Variants in ACER1 observed in about 807,000 individuals in gnomAD.
The protein encoded by ACER1 is CTB-180A7.3.
In ACER1, 28 loss-of-function variants were observed where a neutral mutation model predicts 24.9. The ratio of observed to expected loss-of-function variants is 1.13; its 90% CI spans 0.83 to 1.54. The LOEUF is 1.54. Ranked by LOEUF, ACER1 falls within the 40% of genes most tolerant of loss-of-function variation. The probability of loss-of-function intolerance (pLI) is 0.00; values close to 1 mark genes in which losing one functional copy is unlikely to be tolerated. For missense variants in ACER1, 352 were observed against 349.3 expected (o/e 1.01, Z -0.06); for synonymous variants, 132 against 131.4 (o/e 1.00, Z -0.03).
At chr19:6,323,149 A>G (rs532317814) in intron 1 of ACER1, among the ~76,000 whole-genome samples, 24 of 151,486 alleles carry the variant, frequency 1.6e-4, no homozygotes, top group Non-Finnish European at 2.5e-4. Flanking sequence ...GGCAGGGCGC[A>G]GTGGTTCACA....
At chr19:6,347,095 C>CAAAAAA in the ACER1 span, among the ~76,000 whole-genome samples, 1 of 53,066 alleles carries the variant, frequency 1.9e-5, no homozygotes, top group African/African-American at 3.5e-4. Context: ...GTCCCTGTCT[C>CAAAAAA]TACAAAAAAA....
the ACER1 span, among the ~76,000 whole-genome samples, chr19:6,357,901 T>C: frequency 6.6e-6 from 1 of 152,004 alleles, no homozygotes; most frequent in African/African-American, 2.4e-5. Context: ...TGAAAAGCAG[T>C]TGCAATGGGG....
the ACER1 span, among the ~76,000 whole-genome samples, chr19:6,338,885 T>C: frequency 6.6e-6 from 1 of 151,380 alleles, no homozygotes; most frequent in Non-Finnish European, 1.5e-5. Flanking sequence ...TTAAAATCTT[T>C]TTTTTTTTTT....
At chr19:6,341,607 CTTTTGTTTTG>C in the ACER1 span, among the ~76,000 whole-genome samples, 56 of 145,330 alleles carry the variant, frequency 3.9e-4, no homozygotes, top group Admixed American at 2.7e-4. Context: ...TTTTTGTTTT[CTTTTGTTTTG>C]TTTTGTTTTG....
At chr19:6,308,081 TTAAATAAA>T (rs59870931) in intron 4 of ACER1, among the ~76,000 whole-genome samples, 1 of 150,802 alleles carries the variant, frequency 6.6e-6, no homozygotes, top group Non-Finnish European at 1.5e-5. Flanking sequence ...AGACTCCATC[TTAAATAAA>T]TAAATAAATA....
chr19:6,317,936 G>A (rs1398598107), intron 1 of ACER1, among the ~76,000 whole-genome samples: 1 of 151,860 alleles, frequency 6.6e-6, no homozygotes, highest in African/African-American at 2.4e-5. Context: ...TGTATTTTTA[G>A]TAGAGGCAGG....
At chr19:6,345,615 A>G in the ACER1 span, among the ~76,000 whole-genome samples, 2 of 144,734 alleles carry the variant, frequency 1.4e-5, no homozygotes, top group Non-Finnish European at 3.0e-5. Context: ...CCCAGGCTGG[A>G]GTGCAGTGGT....
intron 1 of ACER1, among the ~76,000 whole-genome samples, chr19:6,316,387 G>A (rs1383179139): frequency 6.6e-6 from 1 of 152,164 alleles, no homozygotes; most frequent in African/African-American, 2.4e-5. Flanking sequence ...TGCAGGAGCT[G>A]TGATTGTGCC....
Position 6,311,782 on chromosome 19 carries a change from C to A in ACER1, c.350+367G>T, listed in dbSNP as rs113892066. 9.8e-3 allele frequency among the ~76,000 whole-genome samples: 1,472 copies of A among 150,812 alleles called. 31 individuals carry two copies. The highest frequency in any genetic ancestry group is 0.043 in the Admixed American group (656 of 15,180). On this transcript the variant is annotated intron_variant, in intron 3 of 5. Coordinates refer to ENST00000301452, the MANE Select transcript of ACER1 (RefSeq NM_133492.3). ...AAGAGAGGGACCCAGGGGGTCTAAG[C>A]AGATCAGATGAAAGATGCCAGGAAC... is the stretch of plus-strand genomic sequence containing the variant.
chr19:6,350,319 T>A, the ACER1 span, among the ~76,000 whole-genome samples: 1 of 151,758 alleles, frequency 6.6e-6, no homozygotes, highest in South Asian at 2.1e-4. Flanking sequence ...TATAAAAAAT[T>A]AGCTGGCACC....
intron 1 of ACER1, among the ~76,000 whole-genome samples, chr19:6,313,650 G>T (rs1286478352): frequency 1.3e-5 from 2 of 152,192 alleles, no homozygotes; most frequent in African/African-American, 2.4e-5. Context: ...CTGAAATGTG[G>T]CCATGGATGT....
chr19:6,351,991 G>C, the ACER1 span, among the ~76,000 whole-genome samples: 1 of 149,492 alleles, frequency 6.7e-6, no homozygotes, highest in Non-Finnish European at 1.5e-5. Context: ...GGGTGGCGGA[G>C]CTTGCAGTGA....
In ACER1 at chr19:6,310,237, G is replaced by A. The variant is rs113243461; in HGVS notation, c.351-403C>T. Among the ~76,000 whole-genome samples, 1,474 of 150,650 alleles carry A rather than the reference G, an allele frequency of 9.8e-3. 24 individuals are homozygous for A. The highest frequency in any genetic ancestry group is 0.033 in the African/African-American group (1,373 of 41,072). On this transcript the variant is annotated intron_variant, in intron 3 of 5. Coordinates refer to ENST00000301452, the MANE Select transcript of ACER1 (RefSeq NM_133492.3). The stretch of plus-strand genomic sequence containing the variant: ...CAAGTAGCTGGGACTACAGGCGCCC[G>A]CCACCACGCCCGGCTCATTTTTTAT...
the ACER1 span, among the ~76,000 whole-genome samples, chr19:6,341,331 C>A: frequency 6.7e-6 from 1 of 150,010 alleles, no homozygotes; most frequent in Non-Finnish European, 1.5e-5. Context: ...CAACAAAAAA[C>A]CAGTCTAGGC....
Position 6,309,702 on chromosome 19 carries a change from G to A in ACER1, c.483C>T (p.Tyr161=), listed in dbSNP as rs1202347120. 4 of 1,613,772 alleles carry A rather than the reference G, an allele frequency of 2.5e-6. No homozygotes were observed. Among genetic ancestry groups the A allele is most frequent in the East Asian group, 4.5e-5 (2 of 44,882 alleles). The part of the protein sequence containing the change: ...LHILYIVCQE[Y]RKTSNKELRH... ...CACCTGCAGCCTTCACTCACTTCCT[G>A]TACTCCTGGCACACGATGTAGAGAA... Residue 161 remains tyrosine (Y), a synonymous_variant, in exon 4 of 6, where the codon TAC becomes TAT. Coordinates refer to ENST00000301452, the MANE Select transcript of ACER1 (RefSeq NM_133492.3).
At chr19:6,359,740 A>G in the ACER1 span, among the ~76,000 whole-genome samples, 4 of 152,206 alleles carry the variant, frequency 2.6e-5, no homozygotes. Flanking sequence ...GATCTAACAC[A>G]GCAATAAATC....
chr19:6,342,906 T>C, the ACER1 span, among the ~76,000 whole-genome samples: 1 of 151,728 alleles, frequency 6.6e-6, no homozygotes, highest in Non-Finnish European at 1.5e-5. Flanking sequence ...TCCTCCCGAA[T>C]AGCTGGGATT....
rs1348446660 is a variant in ACER1, at chr19:6,319,498, C to CGTTT, written c.94-7000_94-6999insAAAC. On this transcript the variant is annotated intron_variant, in intron 1 of 5. Coordinates refer to ENST00000301452, the MANE Select transcript of ACER1 (RefSeq NM_133492.3). ...GCAGGTGACATCACCTCCCTCCCTTCCTTCATTCATTCGTTCATTCATTCA... is the reference window on the plus strand; with the variant it reads ...GCAGGTGACATCACCTCCCTCCCTTCGTTTCTTCATTCATTCGTTCATTCATTCA... Among the ~76,000 whole-genome samples, 95 of 151,380 alleles carry CGTTT rather than the reference C, an allele frequency of 6.3e-4. 2 individuals carry two copies. The highest frequency in any genetic ancestry group is 2.2e-3 in the African/African-American group (89 of 41,322).
chr19:6,317,814 G>A (rs8108496), intron 1 of ACER1, among the ~76,000 whole-genome samples: 1,530 of 151,914 alleles, frequency 0.01, 29 homozygotes, highest in African/African-American at 0.033. Context: ...GAATCCAGTG[G>A]GGCAATCTTG....
Sources: allele counts gnomAD v4.1 joint callset (sites outside exome capture counted in the v4.1 genomes callset), GRCh38; gene constraint gnomAD v4.1.1; transcripts MANE v1.5; gene names NCBI Gene and HGNC (gene_info 2026-07-23, HGNC 2026-07-21).